The following ANKRD12 variants were observed in gnomAD, a reference collection of about 807,000 sequenced individuals.
ANKRD12 encodes the protein ankyrin repeat domain-containing protein 12.
ANKRD12 carries 85 observed loss-of-function variants against 183.4 expected under a neutral mutation model. The ratio of observed to expected loss-of-function variants is 0.46; its 90% confidence interval spans 0.39 to 0.56. ANKRD12 has a LOEUF of 0.56. Ranked by LOEUF, ANKRD12 falls within the 20% of genes least tolerant of loss-of-function variation. The pLI, the probability that ANKRD12 is intolerant of heterozygous loss-of-function variation, is 0.00. For missense variants in ANKRD12, 2,405 were observed against 2,357.1 expected, an observed-to-expected ratio of 1.02 and a Z score of -0.42; for synonymous variants, 914 against 800.2, an observed-to-expected ratio of 1.14 and a Z score of -2.40.
intron 8 of ANKRD12, chr18:9,239,533 C>T: frequency 7.8e-7 from 1 of 1,285,738 alleles, no homozygotes; most frequent in Non-Finnish European, 1.0e-6. Context: ...CAAAGTCCCT[C>T]AAGGAATGAT....
At chr18:9,168,989 T>G (rs1048206109) in intron 1 of ANKRD12, among the ~76,000 whole-genome samples, 16 of 152,186 alleles carry the variant, frequency 1.1e-4, no homozygotes, top group African/African-American at 3.1e-4. Flanking sequence ...CCAGTAGTCA[T>G]TCAGGAGCAG....
intron 2 of ANKRD12, 92 bp from the exon 3 acceptor site, chr18:9,195,459 T>C (rs1194965831): frequency 1.1e-6 from 1 of 896,220 alleles, no homozygotes; most frequent in African/African-American, 1.7e-5. Context: ...ACTATCTCTT[T>C]TTGTGTATGT....
chr18:9,149,112 C>T (rs545282918), intron 1 of ANKRD12, among the ~76,000 whole-genome samples: 15 of 152,322 alleles, frequency 9.8e-5, no homozygotes, highest in Admixed American at 2.0e-4. Flanking sequence ...TACCTCCGTA[C>T]GCATGCACCC....
chr18:9,248,578 T>C (rs1253655965), intron 8 of ANKRD12, among the ~76,000 whole-genome samples: 1 of 152,228 alleles, frequency 6.6e-6, no homozygotes, highest in Non-Finnish European at 1.5e-5. Context: ...GTATTATTAC[T>C]TGTGTTTGCA....
At chr18:9,156,352 G>A (rs12963114) in intron 1 of ANKRD12, among the ~76,000 whole-genome samples, 40,348 of 151,824 alleles carry the variant, frequency 0.27, 6,619 homozygotes, top group South Asian at 0.48. Context: ...GGTGAGGAGG[G>A]AGTAAAATTA....
chr18:9,251,080 A>G (rs191128084), intron 8 of ANKRD12, among the ~76,000 whole-genome samples: 2 of 152,300 alleles, frequency 1.3e-5, no homozygotes, highest in East Asian at 3.9e-4. Flanking sequence ...TTCTAAAAAT[A>G]TATATTTAGT....
intron 1 of ANKRD12, among the ~76,000 whole-genome samples, chr18:9,161,111 G>T (rs1322405334): frequency 2.0e-5 from 3 of 151,730 alleles, no homozygotes; most frequent in African/African-American, 7.3e-5. Context: ...TGTGTGTGTT[G>T]TTGTTGTTGT....
At chr18:9,156,884 C>T (rs2030549567) in intron 1 of ANKRD12, among the ~76,000 whole-genome samples, 1 of 152,146 alleles carries the variant, frequency 6.6e-6, no homozygotes, top group African/African-American at 2.4e-5. Context: ...TCTAGTCACA[C>T]AAAAGGAAAA....
chr18:9,253,858 G>T (rs1188746957), intron 8 of ANKRD12, among the ~76,000 whole-genome samples: 1 of 152,210 alleles, frequency 6.6e-6, no homozygotes, highest in Non-Finnish European at 1.5e-5. Flanking sequence ...CAATCCAACT[G>T]CTGGGTATAC....
At chr18:9,268,641 T>C (rs9748482) in intron 10 of ANKRD12, among the ~76,000 whole-genome samples, 11,219 of 152,178 alleles carry the variant, frequency 0.074, 422 homozygotes, top group African/African-American at 0.083. Flanking sequence ...AAGAGCTATG[T>C]ATGACACACC....
rs146159815 is a variant in ANKRD12 at position 9,257,936 on chromosome 18, A to C, written c.4669A>C (p.Thr1557Pro). The C allele has an allele frequency of 3.4e-4, 548 of 1,614,020 alleles. No homozygotes were observed. Among genetic ancestry groups the C allele is most frequent in the Non-Finnish European group, 4.3e-4 (509 of 1,179,974 alleles). Residue 1557 changes from threonine (T) to proline (P), a missense_variant, in exon 9 of 13, where the codon ACA becomes CCA. Around this residue, in one of 7 missense-constraint regions of ANKRD12, gnomAD observed 1,983 missense variants for 1,725.9 expected, o/e 1.15. Transcript: ENST00000262126. ...TTTTGTCCTAGGAGATGTTCAAAAA[A>C]CAGATGCCTTTGTCCCAGTGTACTC... ...NTFVLGDVQK[T>P]DAFVPVYSDS...
intron 7 of ANKRD12, among the ~76,000 whole-genome samples, chr18:9,221,643 A>AT (rs1359772308): frequency 3.9e-5 from 6 of 152,224 alleles, no homozygotes; most frequent in African/African-American, 1.2e-4. Flanking sequence ...TAAGGAGGAA[A>AT]TTTTTTTGTA....
intron 1 of ANKRD12, among the ~76,000 whole-genome samples, chr18:9,157,413 T>C (rs1174918286): frequency 1.3e-5 from 2 of 151,888 alleles, no homozygotes; most frequent in Non-Finnish European, 1.5e-5. Flanking sequence ...AATTCAAAAA[T>C]CAAAGTACTG....
chr18:9,266,258 A>G (rs1393337749), intron 10 of ANKRD12, among the ~76,000 whole-genome samples: 2 of 152,230 alleles, frequency 1.3e-5, no homozygotes, highest in African/African-American at 4.8e-5. Flanking sequence ...TTCAGGAAAT[A>G]CAGAGAACAC....
chr18:9,190,418 C>G (rs935118710), intron 2 of ANKRD12, among the ~76,000 whole-genome samples: 1 of 152,114 alleles, frequency 6.6e-6, no homozygotes, highest in Admixed American at 6.5e-5. Context: ...GGTGAAGATG[C>G]TAGAAACATT....
At chr18:9,268,662 A>G (rs2039433401) in intron 10 of ANKRD12, among the ~76,000 whole-genome samples, 1 of 152,180 alleles carries the variant, frequency 6.6e-6, no homozygotes, top group East Asian at 1.9e-4. Flanking sequence ...CACAGCCAAT[A>G]TCATACTGAA....
chr18:9,216,681 A>T, intron 6 of ANKRD12, 77 bp from the exon 7 acceptor site: 1 of 1,417,134 alleles, frequency 7.1e-7, no homozygotes, highest in Non-Finnish European at 9.6e-7. Context: ...TATATGTCAC[A>T]CATTGGTATG....
Position 9,280,919 on chromosome 18 carries a change from ACT to A in ANKRD12, c.6004-19_6004-18del, listed in dbSNP as rs981985892. 6.3e-6 allele frequency: 10 copies of A among 1,590,704 alleles called. No homozygotes were observed. Among genetic ancestry groups the A allele is most frequent in the Non-Finnish European group, 8.5e-6 (10 of 1,173,860 alleles). ...GCAAAGTTAACAGAATAATCAAGTAACTCTTCTCTTCTTTTAAATAGACCTGT... is the reference window on the plus strand; with the variant it reads ...GCAAAGTTAACAGAATAATCAAGTAACTTCTCTTCTTTTAAATAGACCTGT... On this transcript the variant is annotated intron_variant, in intron 12 of 12. Transcript: ENST00000262126.
chr18:9,266,687 G>A (rs2039308689), intron 10 of ANKRD12, among the ~76,000 whole-genome samples: 1 of 152,192 alleles, frequency 6.6e-6, no homozygotes, highest in Admixed American at 6.5e-5. Flanking sequence ...GACCATCAAT[G>A]CTAGGAAGAA....
Sources: allele counts gnomAD v4.1 joint callset (sites outside exome capture counted in the v4.1 genomes callset), GRCh38; gene constraint gnomAD v4.1.1; regional missense constraint gnomAD v4.1.1; transcripts MANE v1.5; gene names NCBI Gene and HGNC (gene_info 2026-07-23, HGNC 2026-07-21).